The following DDIT4L variants were observed in gnomAD, a reference collection of about 807,000 sequenced individuals.
The protein encoded by DDIT4L is DNA damage-inducible transcript 4-like protein.
DDIT4L carries 13 observed loss-of-function variants against 15.9 expected under a neutral mutation model. The ratio of observed to expected loss-of-function variants is 0.82; its 90% CI spans 0.53 to 1.30. The LOEUF is 1.30. DDIT4L is among the 50% of genes most tolerant of loss of function. DDIT4L has a pLI of 0.00. For synonymous variants in DDIT4L, 82 were observed against 85.4 expected, an observed-to-expected ratio of 0.96 and a Z score of 0.22; for missense variants, 235 against 224.8, an observed-to-expected ratio of 1.05 and a Z score of -0.29.
rs1480341679 is a variant in DDIT4L at position 100,187,945 on chromosome 4, C to A, written c.314G>T (p.Gly105Val). 3.1e-6 allele frequency: 5 copies of A among 1,614,154 alleles called. No homozygotes were observed. The highest frequency in any genetic ancestry group is 4.2e-6 in the Non-Finnish European group (5 of 1,180,048). ...LSSTEPCGLRGCVMHVNLEIE... is the reference protein window; with the variant it reads ...LSSTEPCGLRVCVMHVNLEIE... Reference sequence around the variant, plus strand: ...TTCCAAGTTCACGTGCATAACACAACCTCGCAAGCCGCAGGGCTCCGTTGA... The same window carrying A: ...TTCCAAGTTCACGTGCATAACACAAACTCGCAAGCCGCAGGGCTCCGTTGA... Residue 105 changes from glycine (G) to valine (V), a missense_variant, in exon 3 of 3, where the codon GGT (glycine) becomes GTT (valine). Gly to Val is a moderately radical substitution (Grantham distance 109). Transcript: ENST00000273990.
rs1489082792 is a variant in DDIT4L, at chr4:100,187,690, A to G, written c.569T>C (p.Ile190Thr). ...KLYSLIGTTV[I>T]EGS is the part of the protein sequence containing the mutation. ...TATTTTCCCTTTTTAGGACCCTTCAATCACTGTTGTTCCAATCAGTGAGTA... is the reference window on the plus strand; with the variant it reads ...TATTTTCCCTTTTTAGGACCCTTCAGTCACTGTTGTTCCAATCAGTGAGTA... The change falls in exon 3 of 3, where the codon ATT becomes ACT. Residue 190 changes from isoleucine to threonine, a missense_variant. Ile to Thr is a moderately conservative substitution (Grantham distance 89). Coordinates refer to ENST00000273990, the MANE Select transcript of DDIT4L (RefSeq NM_145244.4). The G allele has an allele frequency of 1.2e-5, 19 of 1,590,178 alleles. No homozygotes were observed. Among genetic ancestry groups the G allele is most frequent in the Non-Finnish European group, 1.5e-5 (18 of 1,174,538 alleles).
chr4:100,190,038 A>G lies in DDIT4L; in HGVS notation c.-49-6T>C, dbSNP rs1440004985. On this transcript the variant is annotated splice_polypyrimidine_tract_variant and splice_region_variant and intron_variant, in intron 1 of 2. Coordinates refer to ENST00000273990, the MANE Select transcript of DDIT4L (RefSeq NM_145244.4). ...GCAACGGCCTTTCCTGAGCGCTGGA[A>G]AAAATGAGGCGAGAAGAGACGGATT... 2 of 1,549,320 alleles carry G rather than the reference A, an allele frequency of 1.3e-6. No individual in the cohort carries two copies. Among genetic ancestry groups the G allele is most frequent in the African/African-American group, 2.7e-5 (2 of 73,596 alleles).
intron 2 of DDIT4L, among the ~76,000 whole-genome samples, chr4:100,188,920 G>T (rs1411424751): frequency 6.6e-6 from 1 of 152,240 alleles, no homozygotes; most frequent in East Asian, 1.9e-4. Flanking sequence ...TGGGCTCAAA[G>T]GAAAAGAGAT....
At chr4:100,190,119 G>C (rs1020693823) in intron 1 of DDIT4L, 87 bp from the exon 2 acceptor site, 1 of 748,644 alleles carries the variant, frequency 1.3e-6, no homozygotes, top group Non-Finnish European at 2.2e-6. Context: ...TCCCGGGAGC[G>C]AACTAGCGGA....
Position 100,187,735 on chromosome 4 carries a change from C to T in DDIT4L, c.524G>A (p.Arg175Gln), listed in dbSNP as rs768339013. 42 of 1,610,618 alleles carry T rather than the reference C, an allele frequency of 2.6e-5. No homozygotes were observed. The highest frequency in any genetic ancestry group is 3.2e-5 in the Non-Finnish European group (38 of 1,179,272). ...TGAGTAAAGTTTTTTCTTAACAAGT[C>T]GAAATCCTGAGCTGAGGATCAGAGT... is the stretch of plus-strand genomic sequence containing the variant. ...RRTLILSSGF[R>Q]LVKKKLYSLI... Residue 175 changes from arginine (R) to glutamine (Q), a missense_variant, in exon 3 of 3, where the codon CGA becomes CAA. Coordinates refer to ENST00000273990, the MANE Select transcript of DDIT4L (RefSeq NM_145244.4).
chr4:100,188,623 G>T (rs1043690554), intron 2 of DDIT4L, among the ~76,000 whole-genome samples: 2 of 152,016 alleles, frequency 1.3e-5, no homozygotes, highest in Admixed American at 6.5e-5. Context: ...TTGGACTAAG[G>T]GGTTGTTACT....
Position 100,189,922 on chromosome 4 carries a change from C to CA in DDIT4L, c.61dup (p.Cys21LeufsTer11). ...TAGCAGGCTCTCTGGGTGATAGCCA[C>CA]AGTCCAGCAATTCTGAAATGCTGGC... On this transcript the variant is annotated frameshift_variant, in exon 2 of 3. Transcript: ENST00000273990. LOFTEE classifies it high-confidence loss of function. 6.2e-7 allele frequency: 1 copy of CA among 1,614,096 alleles called. No individual in the cohort carries two copies. Among genetic ancestry groups the CA allele is most frequent in the Non-Finnish European group, 8.5e-7 (1 of 1,180,014 alleles).
Position 100,187,892 on chromosome 4 carries a change from T to C in DDIT4L, c.367A>G (p.Arg123Gly). 6.2e-7 allele frequency: 1 copy of C among 1,614,034 alleles called. No individual in the cohort carries two copies. The highest frequency in any genetic ancestry group is 8.5e-7 in the Non-Finnish European group (1 of 1,180,024). Residue 123 changes from arginine to glycine, a missense_variant, in exon 3 of 3, where the codon AGG becomes GGG. By Grantham distance (125) the Arg-to-Gly change is moderately radical. Transcript: ENST00000273990. ...EIENVCKKLD[R>G]IVCDSSVVPT... is the part of the protein sequence containing the mutation. ...ACGACGCTAGAATCACACACAATCC[T>C]ATCCAGCTTTTTACATACATTTTCA...
chr4:100,188,073 C>T lies in DDIT4L; in HGVS notation c.186G>A (p.Glu62=). 1 of 1,614,096 alleles carries T rather than the reference C, an allele frequency of 6.2e-7. No individual in the cohort carries two copies. The stretch of plus-strand genomic sequence containing the variant: ...TTTGCTTTGATTTGGACAGACAGTT[C>T]TCCAGCATTTTAACCAAATTCTGGC... ...STCQNLVKML[E]NCLSKSKQTK... Residue 62 remains glutamate (E), a synonymous_variant, in exon 3 of 3, where the codon GAG becomes GAA. Transcript: ENST00000273990.
Position 100,187,536 on chromosome 4 carries a change from A to C in DDIT4L, c.*141T>G. On this transcript the variant is annotated 3_prime_UTR_variant, in exon 3 of 3. Coordinates refer to ENST00000273990, the MANE Select transcript of DDIT4L (RefSeq NM_145244.4). ...CAGCCTGTTAGCTGCAGTTGCTATG[A>C]ATGTGAAACACAGAAAGAAAAGAGA... The C allele has an allele frequency of 3.2e-6, 3 of 931,038 alleles. No individual in the cohort carries two copies. The highest frequency in any genetic ancestry group is 3.0e-6 in the Non-Finnish European group (2 of 656,652). 57.7% of individuals were successfully genotyped at this position (931,038 alleles called of 1,614,324 possible). A position where few individuals can be genotyped will look rare whatever the true frequency, so the allele number is the denominator to read the frequency against.
intron 2 of DDIT4L, 56 bp from the exon 3 acceptor site, chr4:100,188,223 A>C: frequency 6.5e-7 from 1 of 1,528,334 alleles, no homozygotes; most frequent in Non-Finnish European, 8.8e-7. Context: ...AAGAGTAGAA[A>C]AAAAACACCA....
intron 2 of DDIT4L, 96 bp from the exon 3 acceptor site, chr4:100,188,263 C>A: frequency 1.6e-6 from 2 of 1,287,618 alleles, no homozygotes; most frequent in Non-Finnish European, 1.1e-6. Context: ...CTCTATCTAC[C>A]ATGTCTGCCT....
At position 100,187,281 on chromosome 4, in the gene DDIT4L, T is replaced by TCCTC. The variant is rs58257239; in HGVS notation, c.*392_*395dup. 3,900 of 154,740 alleles carry TCCTC rather than the reference T, an allele frequency of 0.025. 169 individuals carry two copies. The highest frequency in any genetic ancestry group is 0.088 in the African/African-American group (3,664 of 41,506). 9.6% of individuals were successfully genotyped at this position (154,740 alleles called of 1,614,324 possible). A position where few individuals can be genotyped will look rare whatever the true frequency, so the allele number is the denominator to read the frequency against. ...TAGTATGATTCTGTGATTTAAAAAATCCTCTGAAAACTTACAGAAAAAAAA... is the reference window on the plus strand; with the variant it reads ...TAGTATGATTCTGTGATTTAAAAAATCCTCCCTCTGAAAACTTACAGAAAAAAAA... On this transcript the variant is annotated 3_prime_UTR_variant, in exon 3 of 3. Coordinates refer to ENST00000273990, the MANE Select transcript of DDIT4L (RefSeq NM_145244.4).
At position 100,187,908 on chromosome 4, in the gene DDIT4L, T is replaced by TA. The variant is rs1723448478; in HGVS notation, c.350dup (p.Cys118MetfsTer2). ...ACACAATCCTATCCAGCTTTTTACA[T>TA]ACATTTTCAATTTCCAAGTTCACGT... On this transcript the variant is annotated frameshift_variant, in exon 3 of 3. Coordinates refer to ENST00000273990, the MANE Select transcript of DDIT4L (RefSeq NM_145244.4). LOFTEE classifies it high-confidence loss of function. The TA allele has an allele frequency of 1.9e-6, 3 of 1,614,026 alleles. No individual in the cohort carries two copies. In the East Asian group the frequency reaches 6.7e-5, roughly 36 times the overall value.
rs996892123 is a variant in DDIT4L at position 100,186,424 on chromosome 4, T to C, written c.*1253A>G. On this transcript the variant is annotated 3_prime_UTR_variant, in exon 3 of 3. Transcript: ENST00000273990. ...TATGAAAGCCTTGCTGAATTGAACA[T>C]TGTTGAGTGGAGGCTAAATTCTCTC... The C allele has an allele frequency of 6.6e-6, 1 of 152,058 alleles. No individual in the cohort carries two copies. Among genetic ancestry groups the C allele is most frequent in the African/African-American group, 2.4e-5 (1 of 41,398 alleles). 9.4% of individuals were successfully genotyped at this position (152,058 alleles called of 1,614,324 possible).
In DDIT4L at chr4:100,187,639, T is replaced by C. The variant is rs745495312; in HGVS notation, c.*38A>G. The C allele has an allele frequency of 2.5e-5, 39 of 1,558,826 alleles. No individual in the cohort carries two copies. The highest frequency in any genetic ancestry group is 3.2e-5 in the Non-Finnish European group (37 of 1,163,228). ...TAGCTGACTAGCTGAATAGTTTTAC[T>C]ACCCAATCATGAAATAATCTTTATA... On this transcript the variant is annotated 3_prime_UTR_variant, in exon 3 of 3. Coordinates refer to ENST00000273990, the MANE Select transcript of DDIT4L (RefSeq NM_145244.4).
rs771922214 is a variant in DDIT4L at position 100,186,652 on chromosome 4, G to A, written c.*1025C>T. 1 of 152,060 alleles carries A rather than the reference G, an allele frequency of 6.6e-6. No homozygotes were observed. The highest frequency in any genetic ancestry group is 3.2e-3 in the Middle Eastern group (1 of 316). The allele number at this position is 152,060 out of a possible 1,614,324, so 9.4% of individuals were successfully genotyped here. On this transcript the variant is annotated 3_prime_UTR_variant, in exon 3 of 3. Coordinates refer to ENST00000273990, the MANE Select transcript of DDIT4L (RefSeq NM_145244.4). Reference sequence around the variant, plus strand: ...CAATGCAGACTTCGTAAATTGACCCGTTTCAATAATTCAAAGTGGTAGTAT... The same window carrying A: ...CAATGCAGACTTCGTAAATTGACCCATTTCAATAATTCAAAGTGGTAGTAT...
intron 2 of DDIT4L, 133 bp downstream of exon 2, chr4:100,189,760 A>G: frequency 2.7e-6 from 2 of 727,846 alleles, no homozygotes; most frequent in East Asian, 5.4e-5. Context: ...AAATTTGGAA[A>G]GGAGTCTCCT....
chr4:100,189,720 T>C (rs540310286), intron 2 of DDIT4L, among the ~76,000 whole-genome samples, 173 bp downstream of exon 2: 54 of 152,330 alleles, frequency 3.5e-4, no homozygotes, highest in African/African-American at 1.2e-3. Context: ...TTTGCTACTT[T>C]TGTTTCTATC....
Sources: allele counts gnomAD v4.1 joint callset (sites outside exome capture counted in the v4.1 genomes callset), GRCh38; gene constraint gnomAD v4.1.1; transcripts MANE v1.5; gene names NCBI Gene and HGNC (gene_info 2026-07-23, HGNC 2026-07-21).